The following UTRN variants were observed in gnomAD, a reference collection of about 807,000 sequenced individuals.
The protein encoded by UTRN is dystrophin-related protein 1.
Under a neutral mutation model 463.9 loss-of-function variants are expected in UTRN, and 283 were observed. The ratio of observed to expected loss-of-function variants is 0.61; its 90% CI spans 0.55 to 0.67. The LOEUF (loss-of-function observed/expected upper bound fraction) is 0.67. Among genes scored for constraint, UTRN ranks in the 30% least tolerant of loss-of-function variants. UTRN has a pLI of 0.00. For missense variants in UTRN, 3,922 were observed against 4,084.3 expected, an observed-to-expected ratio of 0.96 and a Z score of 1.08; for synonymous variants, 1,442 against 1,431.5, an observed-to-expected ratio of 1.01 and a Z score of -0.17.
At chr6:144,758,156 T>A in intron 58 of UTRN, 167 bp downstream of exon 58, 1 of 539,398 alleles carries the variant, frequency 1.9e-6, no homozygotes, top group Non-Finnish European at 3.2e-6. Flanking sequence ...ACATGAGAAT[T>A]ATATTTTTCA....
Position 144,846,826 on chromosome 6 carries a change from A to G in UTRN, c.10292A>G (p.Gln3431Arg). 1 of 1,614,054 alleles carries G rather than the reference A, an allele frequency of 6.2e-7. No homozygotes were observed. Among genetic ancestry groups the G allele is most frequent in the Non-Finnish European group, 8.5e-7 (1 of 1,179,936 alleles). ...TCAGCAAATGTTCCCAGCAGGCCAC[A>G]GGTAAGAGTTAATGGCTTGGTTGGC... ...SCCPNVPSRP[Q>R]AM Residue 3431 changes from glutamine to arginine, a missense_variant and splice_region_variant, in exon 74 of 75, where the codon CAG becomes CGG. Transcript: ENST00000367545.
chr6:144,627,677 C>A (rs1353107637), intron 51 of UTRN, among the ~76,000 whole-genome samples: 2 of 152,074 alleles, frequency 1.3e-5, no homozygotes, highest in Non-Finnish European at 2.9e-5. Flanking sequence ...AATTTGACTA[C>A]TCTTACCTTA....
At chr6:144,576,507 G>A (rs1801450372) in intron 50 of UTRN, among the ~76,000 whole-genome samples, 1 of 152,060 alleles carries the variant, frequency 6.6e-6, no homozygotes, top group African/African-American at 2.4e-5. Context: ...GTATATATAT[G>A]AATTGTTTAA....
intron 65 of UTRN, among the ~76,000 whole-genome samples, chr6:144,816,820 T>C (rs1346390270): frequency 6.6e-6 from 1 of 150,922 alleles, no homozygotes; most frequent in Non-Finnish European, 1.5e-5. Context: ...GTTGAAGCAA[T>C]CTGCCCTCCT....
chr6:144,577,294 T>G lies in UTRN; in HGVS notation c.7479+6T>G, dbSNP rs1196278350. ...AACTCAAACAGCAGATGCAGGTAAG[T>G]GCATGGGAAACCACACCAGTACCTG... On this transcript the variant is annotated splice_donor_region_variant and intron_variant, in intron 51 of 74. Transcript: ENST00000367545. 5.0e-6 allele frequency: 8 copies of G among 1,612,954 alleles called. No homozygotes were observed. Among genetic ancestry groups the G allele is most frequent in the Non-Finnish European group, 6.8e-6 (8 of 1,179,436 alleles).
At chr6:144,797,125 A>G (rs916835432) in intron 63 of UTRN, among the ~76,000 whole-genome samples, 1 of 152,128 alleles carries the variant, frequency 6.6e-6, no homozygotes, top group Non-Finnish European at 1.5e-5. Flanking sequence ...TAGCATTTAT[A>G]ATGGCCTTCA....
intron 53 of UTRN, among the ~76,000 whole-genome samples, chr6:144,702,142 A>G (rs1024819769): frequency 1.3e-5 from 2 of 152,218 alleles, no homozygotes; most frequent in African/African-American, 4.8e-5. Context: ...GCTTATGGCC[A>G]TATGCTAATA....
At chr6:144,824,615 T>TCTCTC (rs1380172617) in intron 66 of UTRN, among the ~76,000 whole-genome samples, 3 of 30,746 alleles carry the variant, frequency 9.8e-5, no homozygotes, top group African/African-American at 9.7e-4. Context: ...TATATATATC[T>TCTCTC]TTTTTTTTTT....
chr6:144,411,447 C>T (rs1206430460), intron 3 of UTRN, among the ~76,000 whole-genome samples: 1 of 152,122 alleles, frequency 6.6e-6, no homozygotes, highest in Non-Finnish European at 1.5e-5. Context: ...CCAGCCCTCA[C>T]CTGATTGTCC....
At chr6:144,658,924 C>T (rs1779589880) in intron 51 of UTRN, among the ~76,000 whole-genome samples, 1 of 152,118 alleles carries the variant, frequency 6.6e-6, no homozygotes, top group Non-Finnish European at 1.5e-5. Context: ...GTAGTTATTA[C>T]TCACATTTTG....
At chr6:144,449,540 T>A (rs115308805) in intron 17 of UTRN, among the ~76,000 whole-genome samples, 2,031 of 152,238 alleles carry the variant, frequency 0.013, 43 homozygotes, top group African/African-American at 0.046. Context: ...TAGATGGCCG[T>A]CTCTTCTCTG....
intron 27 of UTRN, 71 bp downstream of exon 27, chr6:144,482,459 C>A: frequency 9.6e-7 from 1 of 1,045,434 alleles, no homozygotes; most frequent in Non-Finnish European, 1.2e-6. Context: ...TGATGTATTT[C>A]TGAGATCCAA....
chr6:144,689,766 A>G (rs1442489308), intron 52 of UTRN, among the ~76,000 whole-genome samples: 1 of 152,150 alleles, frequency 6.6e-6, no homozygotes, highest in South Asian at 2.1e-4. Context: ...TGGCTTTCTC[A>G]CATGCCATGT....
In UTRN at chr6:144,473,783, G is replaced by A. The variant is rs1790908998; in HGVS notation, c.3130G>A (p.Ala1044Thr). ...GVKDFLMKQQ[A>T]AQGDDAGLQR... ...GAAAGACTTCTTAATGAAACAGCAG[G>A]CTGCCCAAGGAGACGACGCAGGTCT... The change falls in exon 24 of 75, where the codon GCT becomes ACT. Residue 1044 changes from alanine to threonine, a missense_variant. Transcript: ENST00000367545. The A allele has an allele frequency of 6.2e-7, 1 of 1,614,120 alleles. No homozygotes were observed. The highest frequency in any genetic ancestry group is 8.5e-7 in the Non-Finnish European group (1 of 1,180,024).
intron 37 of UTRN, among the ~76,000 whole-genome samples, chr6:144,515,437 C>T (rs979564087): frequency 6.6e-6 from 1 of 151,854 alleles, no homozygotes; most frequent in Non-Finnish European, 1.5e-5. Flanking sequence ...TTTATGGTCA[C>T]ACTCTATATA....
rs1787824203 is a variant in UTRN, at chr6:144,447,584, A to G, written c.1723-18A>G. On this transcript the variant is annotated intron_variant, in intron 15 of 74. Coordinates refer to ENST00000367545, the MANE Select transcript of UTRN (RefSeq NM_007124.3). ...GTCCTGTTAAAAAGAGTCATCTAAT[A>G]AATATCTGAAATACTAGATTTTGAA... 6.2e-7 allele frequency: 1 copy of G among 1,609,686 alleles called. No homozygotes were observed. Among genetic ancestry groups the G allele is most frequent in the South Asian group, 1.1e-5 (1 of 89,418 alleles).
intron 51 of UTRN, among the ~76,000 whole-genome samples, chr6:144,598,003 G>A (rs761284240): frequency 2.8e-4 from 42 of 152,174 alleles, no homozygotes; most frequent in Non-Finnish European, 5.0e-4. Context: ...TTGAAACATA[G>A]GGTTGTTCCT....
rs115390696 is a variant in UTRN, at chr6:144,438,979, G to A, written c.1392+84G>A. On this transcript the variant is annotated intron_variant, in intron 12 of 74. Coordinates refer to ENST00000367545, the MANE Select transcript of UTRN (RefSeq NM_007124.3). ...ATCTCAGAGGCTGATGACATCTATC[G>A]TTAACATGAAGTTGGGACACTTCTT... 1.0e-3 allele frequency: 1,431 copies of A among 1,436,112 alleles called. 10 individuals are homozygous for A. The African/African-American group carries it at 0.018, about 18-fold the overall frequency. 89.0% of individuals were successfully genotyped at this position (1,436,112 alleles called of 1,614,324 possible). A position where few individuals can be genotyped will look rare whatever the true frequency, so the allele number is the denominator to read the frequency against.
At chr6:144,502,771 C>T (rs9484882) in intron 34 of UTRN, among the ~76,000 whole-genome samples, 4,510 of 152,134 alleles carry the variant, frequency 0.03, 260 homozygotes, top group African/African-American at 0.1. Context: ...AGTATATACC[C>T]GGTAATGGGA....
Sources: gnomAD v4.1 joint callset for allele counts (sites outside exome capture counted in the v4.1 genomes callset) on GRCh38, gnomAD v4.1.1 for gene constraint, MANE v1.5 for transcripts, NCBI Gene and HGNC (gene_info 2026-07-23, HGNC 2026-07-21) for gene names.